Variants in PRDM9 observed in about 807,000 individuals in gnomAD.
The protein encoded by PRDM9 is PR/SET domain 9.
Under a neutral mutation model 55.6 loss-of-function variants are expected in PRDM9, and 47 were observed. That is an observed-to-expected ratio of 0.85 (90% confidence interval 0.67 to 1.08). The LOEUF (loss-of-function observed/expected upper bound fraction) is 1.08, where lower values mean the gene tolerates loss of function less well. Among genes scored for constraint, PRDM9 ranks in the 50% least tolerant of loss-of-function variants. The pLI, the probability that PRDM9 is intolerant of heterozygous loss-of-function variation, is 0.00. For missense variants in PRDM9, 867 were observed against 1,040.3 expected, an observed-to-expected ratio of 0.83 and a Z score of 2.29; for synonymous variants, 312 against 375.7, an observed-to-expected ratio of 0.83 and a Z score of 1.96.
chr5:23,525,932 G>GA (rs1739419955), intron 10 of PRDM9, among the ~76,000 whole-genome samples: 1 of 152,160 alleles, frequency 6.6e-6, no homozygotes, highest in Non-Finnish European at 1.5e-5. Context: ...GCAGTGTGGG[G>GA]AAAAGGTCAC....
chr5:23,517,836 G>A lies in PRDM9; in HGVS notation c.302-45G>A, dbSNP rs750129533. On this transcript the variant is annotated intron_variant, in intron 4 of 10. Transcript: ENST00000296682. ...ATAGAAGAGAGAATCTCTAGTGTTTGGAAACATTTACCAACCAAACCACTG... is the reference window on the plus strand; with the variant it reads ...ATAGAAGAGAGAATCTCTAGTGTTTAGAAACATTTACCAACCAAACCACTG... 3 of 1,491,660 alleles carry A rather than the reference G, an allele frequency of 2.0e-6. No individual in the cohort carries two copies. The South Asian group carries it at 3.4e-5, about 17-fold the overall frequency. 92.4% of individuals were successfully genotyped at this position (1,491,660 alleles called of 1,614,324 possible). A position where few individuals can be genotyped will look rare whatever the true frequency, so the allele number is the denominator to read the frequency against.
rs1739242953 is a variant in PRDM9 at position 23,517,763 on chromosome 5, G to A, written c.302-118G>A. ...GATTGAGCCACTGCACTCCAGCCTG[G>A]GCGACAGAGGGAGACTCCGTCTCAA... On this transcript the variant is annotated intron_variant, in intron 4 of 10. Coordinates refer to ENST00000296682, the MANE Select transcript of PRDM9 (RefSeq NM_020227.4). 4.9e-6 allele frequency: 5 copies of A among 1,030,380 alleles called. No homozygotes were observed. In the Admixed American group the frequency reaches 7.0e-5, roughly 14 times the overall value. The allele number at this position is 1,030,380 out of a possible 1,614,324, so 63.8% of individuals were successfully genotyped here.
At chr5:23,509,616 G>C in intron 3 of PRDM9, 23 bp downstream of exon 3, 15 of 1,614,152 alleles carry the variant, frequency 9.3e-6, no homozygotes, top group Non-Finnish European at 1.3e-5. Flanking sequence ...GCTGGGCACA[G>C]ACCAGCCTGG....
chr5:23,514,590 AG>A (rs1739166606), intron 4 of PRDM9, among the ~76,000 whole-genome samples: 1 of 152,012 alleles, frequency 6.6e-6, no homozygotes, highest in African/African-American at 2.4e-5. Flanking sequence ...CTGGGACTAC[AG>A]GGGCACACCA....
chr5:23,517,978 C>T (rs1739249574), intron 5 of PRDM9, 48 bp downstream of exon 5: 3 of 1,493,184 alleles, frequency 2.0e-6, no homozygotes, highest in Non-Finnish European at 2.8e-6. Flanking sequence ...CTCATGGATC[C>T]AAACACAGGT....
intron 3 of PRDM9, 87 bp from the exon 4 acceptor site, chr5:23,509,833 T>C (rs1739054311): frequency 2.1e-6 from 3 of 1,458,644 alleles, no homozygotes; most frequent in Non-Finnish European, 2.9e-6. Context: ...TGAGCAGCAC[T>C]GGCTTTGTGG....
chr5:23,509,845 G>A, intron 3 of PRDM9, 75 bp from the exon 4 acceptor site: 1 of 1,525,972 alleles, frequency 6.6e-7, no homozygotes, highest in Non-Finnish European at 9.1e-7. Context: ...GCTTTGTGGT[G>A]CTTTCCATTG....
At chr5:23,515,200 A>G (rs1011705021) in intron 4 of PRDM9, among the ~76,000 whole-genome samples, 1 of 151,442 alleles carries the variant, frequency 6.6e-6, no homozygotes, top group African/African-American at 2.4e-5. Context: ...CCTGACCTCA[A>G]GTGATCCATC....
rs750959859 is a variant in PRDM9, at chr5:23,521,156, G to A, written c.485G>A (p.Gly162Glu). ...VSPSGEASTS[G>E]QHSRLKLELR... ...CCTTCTGGAGAAGCAAGTACCTCTG[G>A]ACAGCACTCAAGACTAAAACTGGGT... is the stretch of plus-strand genomic sequence containing the variant. The change falls in exon 6 of 11, where the codon GGA becomes GAA. Residue 162 changes from glycine (G) to glutamate (E), a missense_variant. This residue lies in a region of PRDM9 where 662 missense variants were observed against 711.9 expected (regional missense o/e 0.93). Transcript: ENST00000296682. 1 of 1,613,562 alleles carries A rather than the reference G, an allele frequency of 6.2e-7. No individual in the cohort carries two copies. The highest frequency in any genetic ancestry group is 1.1e-5 in the South Asian group (1 of 91,052).
At chr5:23,508,092 A>T (rs1739020637) in intron 1 of PRDM9, among the ~76,000 whole-genome samples, 1 of 151,982 alleles carries the variant, frequency 6.6e-6, no homozygotes, top group South Asian at 2.1e-4. Flanking sequence ...AGCTTCAAGG[A>T]CCAAATAACC....
At chr5:23,525,783 C>T (rs1320338476) in intron 10 of PRDM9, among the ~76,000 whole-genome samples, 2 of 152,168 alleles carry the variant, frequency 1.3e-5, no homozygotes, top group African/African-American at 4.8e-5. Flanking sequence ...GACAATCTCA[C>T]CTAAGTCATC....
Position 23,522,369 on chromosome 5 carries a change from A to C in PRDM9, c.574A>C (p.Lys192Gln). 1.2e-6 allele frequency: 2 copies of C among 1,614,180 alleles called. No homozygotes were observed. Among genetic ancestry groups the C allele is most frequent in the Non-Finnish European group, 1.7e-6 (2 of 1,180,008 alleles). The change falls in exon 7 of 11, where the codon AAA becomes CAA. Residue 192 changes from lysine to glutamine, a missense_variant. Physicochemically the swap from Lys to Gln is moderately conservative, Grantham distance 53. Transcript: ENST00000296682. ...SLRERKGHAY[K>Q]EVSEPQDDDY... ...GCGAGAAAGAAAGGGTCATGCATAC[A>C]AAGAGGTCAGCGAGCCGCAGGATGA...
At position 23,524,222 on chromosome 5, in the gene PRDM9, G is replaced by T. The variant is rs1218813294; in HGVS notation, c.951-112G>T. The T allele has an allele frequency of 2.2e-6, 3 of 1,364,862 alleles. No individual in the cohort carries two copies. In the Admixed American group the frequency reaches 5.2e-5, roughly 24 times the overall value. The allele number at this position is 1,364,862 out of a possible 1,614,324, so 84.5% of individuals were successfully genotyped here. A position where few individuals can be genotyped will look rare whatever the true frequency, so the allele number is the denominator to read the frequency against. On this transcript the variant is annotated intron_variant, in intron 9 of 10. Coordinates refer to ENST00000296682, the MANE Select transcript of PRDM9 (RefSeq NM_020227.4). ...AGGTTCCCGGAGGAGTGGTGGGGGAGTGGTCAGCACTAGACCATGGAGGCC... is the reference window on the plus strand; with the variant it reads ...AGGTTCCCGGAGGAGTGGTGGGGGATTGGTCAGCACTAGACCATGGAGGCC...
chr5:23,515,593 T>C (rs1739194850), intron 4 of PRDM9, among the ~76,000 whole-genome samples: 1 of 152,240 alleles, frequency 6.6e-6, no homozygotes, highest in South Asian at 2.1e-4. Context: ...ATTGTTCATT[T>C]CAATGTCATA....
In PRDM9 at chr5:23,524,523, G is replaced by C. The variant is rs1399990565; in HGVS notation, c.1140G>C (p.Gly380=). ...AGTGGAAGAAAGAGCTCATGGCAGG[G>C]AGAGGTAGGCATCACTATTACTCTT... ...GSKWKKELMA[G]REPKPEIHPC... is the part of the protein sequence containing the mutation. Residue 380 remains glycine, a synonymous_variant, in exon 10 of 11, where the codon GGG becomes GGC. Transcript: ENST00000296682. The C allele has an allele frequency of 6.2e-7, 1 of 1,613,812 alleles. No individual in the cohort carries two copies. The highest frequency in any genetic ancestry group is 1.3e-5 in the African/African-American group (1 of 74,922).
At position 23,527,037 on chromosome 5, in the gene PRDM9, T is replaced by TCAAA. The variant is rs1739466283; in HGVS notation, c.1950_1951insAAAC (p.Leu651LysfsTer25). The TCAAA allele has an allele frequency of 1.8e-6, 1 of 551,606 alleles. No homozygotes were observed. The allele number at this position is 551,606 out of a possible 1,614,324, so 34.2% of individuals were successfully genotyped here. On this transcript the variant is annotated frameshift_variant, in exon 11 of 11. Transcript: ENST00000296682. LOFTEE classifies it low-confidence loss of function (END_TRUNC). ...GGGCGGGGCTTTAGCCGGCAGTCAG[T>TCAAA]CCTCCTCACTCACCAGAGGAGACAC...
chr5:23,509,019 G>A lies in PRDM9; in HGVS notation c.-15G>A, dbSNP rs1401748806. The A allele has an allele frequency of 1.2e-6, 2 of 1,613,830 alleles. No homozygotes were observed. On this transcript the variant is annotated 5_prime_UTR_variant, in exon 2 of 11. Transcript: ENST00000296682. ...CTCAGAATTGGAGCAGGGCCTTCTA[G>A]ACAGTCCCAGCACCATGAGCCCTGA...
At chr5:23,522,492 A>G in intron 7 of PRDM9, 87 bp downstream of exon 7, 1 of 1,583,120 alleles carries the variant, frequency 6.3e-7, no homozygotes, top group Non-Finnish European at 8.7e-7. Flanking sequence ...TCATTCCCTT[A>G]CTCTAATGAA....
intron 4 of PRDM9, among the ~76,000 whole-genome samples, chr5:23,512,988 C>T (rs1481039163): frequency 2.6e-5 from 4 of 152,190 alleles, no homozygotes; most frequent in Admixed American, 1.3e-4. Context: ...TAATATTCCA[C>T]TCCATGTATA....
Sources: allele counts gnomAD v4.1 joint callset (sites outside exome capture counted in the v4.1 genomes callset), GRCh38; gene constraint gnomAD v4.1.1; regional missense constraint gnomAD v4.1.1; transcripts MANE v1.5; gene names NCBI Gene and HGNC (gene_info 2026-07-23, HGNC 2026-07-21).